Variants in CNBD1 observed in about 807,000 individuals in gnomAD.
CNBD1 encodes the protein cyclic nucleotide-binding domain-containing protein 1.
In CNBD1, 71 loss-of-function variants were observed where a neutral mutation model predicts 54.4. That is an observed-to-expected ratio of 1.30 (90% CI 1.08 to 1.59). The LOEUF is 1.59. Ranked by LOEUF, CNBD1 falls within the 40% of genes most tolerant of loss-of-function variation. The pLI is 0.00. For synonymous variants in CNBD1, 182 were observed against 170.7 expected (o/e 1.07, Z -0.51); for missense variants, 659 against 518.0 (o/e 1.27, Z -2.64).
At chr8:86,910,977 A>G (rs987704890) in intron 3 of CNBD1, among the ~76,000 whole-genome samples, 18 of 152,212 alleles carry the variant, frequency 1.2e-4, no homozygotes, top group African/African-American at 4.3e-4. Flanking sequence ...TAACACGAAG[A>G]ACTGGTTAGG....
At chr8:86,995,793 T>C (rs1808858646) in intron 4 of CNBD1, among the ~76,000 whole-genome samples, 2 of 152,006 alleles carry the variant, frequency 1.3e-5, no homozygotes, top group African/African-American at 4.8e-5. Flanking sequence ...CTGAAAAACA[T>C]ACAAAGACAT....
At chr8:86,987,019 A>G (rs1808624131) in intron 4 of CNBD1, among the ~76,000 whole-genome samples, 1 of 152,188 alleles carries the variant, frequency 6.6e-6, no homozygotes, top group South Asian at 2.1e-4. Flanking sequence ...TATAAATTCT[A>G]GAATAGTGTT....
At chr8:87,140,277 A>C (rs1299205064) in intron 4 of CNBD1, among the ~76,000 whole-genome samples, 2 of 152,108 alleles carry the variant, frequency 1.3e-5, no homozygotes, top group Non-Finnish European at 2.9e-5. Flanking sequence ...ACCTTACTGA[A>C]ATAACAAATA....
chr8:87,345,416 C>G (rs759177715), intron 8 of CNBD1, among the ~76,000 whole-genome samples: 2 of 152,050 alleles, frequency 1.3e-5, no homozygotes, highest in Non-Finnish European at 2.9e-5. Context: ...TTTTGGTGCT[C>G]TACCCCTTCT....
Position 87,038,687 on chromosome 8 carries a change from G to T in CNBD1, c.431+98933G>T, listed in dbSNP as rs191174932. Among the ~76,000 whole-genome samples the T allele has an allele frequency of 6.6e-5, 10 of 152,220 alleles. No individual in the cohort carries two copies. In the East Asian group the frequency reaches 1.9e-3, roughly 29 times the overall value. Reference sequence around the variant, plus strand: ...ATTGGCCATTCATTACCTTTACAAAGGTAGTTTAGTTTTGAGGAAGGGCTA... The same window carrying T: ...ATTGGCCATTCATTACCTTTACAAATGTAGTTTAGTTTTGAGGAAGGGCTA... On this transcript the variant is annotated intron_variant, in intron 4 of 10. Coordinates refer to ENST00000518476, the MANE Select transcript of CNBD1 (RefSeq NM_173538.3).
chr8:87,121,016 A>G (rs1365186616), intron 4 of CNBD1, among the ~76,000 whole-genome samples: 1 of 151,930 alleles, frequency 6.6e-6, no homozygotes, highest in African/African-American at 2.4e-5. Context: ...ATATTTTACT[A>G]TCTGGGCATG....
At chr8:86,922,546 G>A (rs1358840375) in intron 3 of CNBD1, among the ~76,000 whole-genome samples, 2 of 152,098 alleles carry the variant, frequency 1.3e-5, no homozygotes, top group African/African-American at 4.8e-5. Context: ...AGCCTGGATG[G>A]CTTGGGGTAT....
At chr8:87,347,527 A>G (rs1406307026) in intron 8 of CNBD1, among the ~76,000 whole-genome samples, 1 of 151,596 alleles carries the variant, frequency 6.6e-6, no homozygotes, top group East Asian at 1.9e-4. Context: ...ACAAATCAAT[A>G]ACTTAGATGG....
chr8:87,070,706 A>T (rs1470296177), intron 4 of CNBD1, among the ~76,000 whole-genome samples: 2 of 152,030 alleles, frequency 1.3e-5, no homozygotes, highest in Admixed American at 6.6e-5. Flanking sequence ...GCTGGATTAG[A>T]TTGGGAGGGG....
At chr8:86,946,629 C>G (rs143536495) in intron 4 of CNBD1, among the ~76,000 whole-genome samples, 6 of 152,130 alleles carry the variant, frequency 3.9e-5, no homozygotes, top group Non-Finnish European at 5.9e-5. Flanking sequence ...ATAAGTGTAA[C>G]AGAACGTACT....
intron 4 of CNBD1, among the ~76,000 whole-genome samples, chr8:87,048,481 C>G (rs938127581): frequency 7.2e-5 from 11 of 152,022 alleles, no homozygotes; most frequent in African/African-American, 2.7e-4. Context: ...TTTGTTTTTT[C>G]TATTTTTCAT....
rs143059450 is a variant in CNBD1, at chr8:87,142,718, C to T, written c.432-63275C>T. Among the ~76,000 whole-genome samples, 430 of 152,224 alleles carry T rather than the reference C, an allele frequency of 2.8e-3. 2 individuals are homozygous for T. The highest frequency in any genetic ancestry group is 9.4e-3 in the African/African-American group (392 of 41,542). On this transcript the variant is annotated intron_variant, in intron 4 of 10. Coordinates refer to ENST00000518476, the MANE Select transcript of CNBD1 (RefSeq NM_173538.3). ...ATCTTACTTTTTGCTTCAAATCAAT[C>T]ATTAATTTTGAAGAACTTTAGATTA...
intron 2 of CNBD1, among the ~76,000 whole-genome samples, chr8:87,401,178 A>G (rs1807557230): frequency 6.6e-6 from 1 of 152,070 alleles, no homozygotes; most frequent in Non-Finnish European, 1.5e-5. Flanking sequence ...ATAAACCCAA[A>G]GCAAATATAT....
intron 6 of CNBD1, among the ~76,000 whole-genome samples, chr8:87,272,820 G>A (rs1448550576): frequency 6.6e-6 from 1 of 151,904 alleles, no homozygotes; most frequent in African/African-American, 2.4e-5. Flanking sequence ...TAAACCTTAT[G>A]TGCTAACTTT....
chr8:87,405,235 A>T (rs916951631), intron 2 of CNBD1, among the ~76,000 whole-genome samples: 1 of 152,058 alleles, frequency 6.6e-6, no homozygotes, highest in Non-Finnish European at 1.5e-5. Context: ...AAGCACTTAG[A>T]AGTTATATAA....
At chr8:87,207,789 C>T (rs1814008302) in intron 5 of CNBD1, among the ~76,000 whole-genome samples, 1 of 150,114 alleles carries the variant, frequency 6.7e-6, no homozygotes, top group Non-Finnish European at 1.5e-5. Context: ...TTCAATCTTT[C>T]ACAAGTGTCA....
At chr8:86,994,036 G>A (rs537328459) in intron 4 of CNBD1, among the ~76,000 whole-genome samples, 1 of 152,296 alleles carries the variant, frequency 6.6e-6, no homozygotes, top group South Asian at 2.1e-4. Context: ...CCCAGTACAG[G>A]GAGGCCCATC....
At chr8:87,217,119 G>C (rs1232481640) in intron 5 of CNBD1, among the ~76,000 whole-genome samples, 1 of 152,010 alleles carries the variant, frequency 6.6e-6, no homozygotes, top group East Asian at 1.9e-4. Context: ...TCTTTTTTAT[G>C]AAAGTGACAC....
At chr8:87,188,205 A>T (rs1009779744) in intron 4 of CNBD1, among the ~76,000 whole-genome samples, 5 of 152,174 alleles carry the variant, frequency 3.3e-5, no homozygotes, top group African/African-American at 9.6e-5. Flanking sequence ...ACATTTGCGA[A>T]TGTCTCTGCT....
Sources: gnomAD v4.1 joint callset for allele counts (sites outside exome capture counted in the v4.1 genomes callset) on GRCh38, gnomAD v4.1.1 for gene constraint, MANE v1.5 for transcripts, NCBI Gene and HGNC (gene_info 2026-07-23, HGNC 2026-07-21) for gene names.